ARSI: variants seen among roughly 807,000 people sequenced by gnomAD.
ARSI encodes arylsulfatase I.
A neutral mutation model predicts 42.1 loss-of-function variants in ARSI; 37 were observed. That is an observed-to-expected ratio of 0.88 (90% CI 0.68 to 1.16). ARSI has a LOEUF of 1.16. ARSI is among the 50% of genes most tolerant of loss of function. ARSI has a pLI of 0.00. For missense variants in ARSI, 725 were observed against 790.1 expected (o/e 0.92, Z 0.99); for synonymous variants, 305 against 320.3 (o/e 0.95, Z 0.51).
In ARSI at chr5:150,297,123, T is replaced by C; in HGVS notation, c.*91A>G. The C allele has an allele frequency of 7.3e-7, 1 of 1,378,334 alleles. No individual in the cohort carries two copies. The highest frequency in any genetic ancestry group is 9.9e-7 in the Non-Finnish European group (1 of 1,008,898). The allele number at this position is 1,378,334 out of a possible 1,614,324, so 85.4% of individuals were successfully genotyped here. On this transcript the variant is annotated 3_prime_UTR_variant, in exon 2 of 2. Transcript: ENST00000328668. The surrounding 1 kb of genome is among the most constrained non-coding windows in gnomAD (Gnocchi z 7.0). ...TCTACACCCTCCAACTCCCTGTAGATGGAGATGTGACAGGCTTCTCCCTGA... is the reference window on the plus strand; with the variant it reads ...TCTACACCCTCCAACTCCCTGTAGACGGAGATGTGACAGGCTTCTCCCTGA...
chr5:150,302,784 T>C lies in ARSI; in HGVS notation c.-411A>G, dbSNP rs1456849107. The C allele has an allele frequency of 6.4e-6, 1 of 156,356 alleles. No homozygotes were observed. The highest frequency in any genetic ancestry group is 2.4e-5 in the African/African-American group (1 of 41,590). 9.7% of individuals were successfully genotyped at this position (156,356 alleles called of 1,614,324 possible). A position where few individuals can be genotyped will look rare whatever the true frequency, so the allele number is the denominator to read the frequency against. Reference sequence around the variant, plus strand: ...CTCTCTCCTCTGCTTTCCCGGCCTCTCGCCCCACCCGGAGTCCTTAAAACA... The same window carrying C: ...CTCTCTCCTCTGCTTTCCCGGCCTCCCGCCCCACCCGGAGTCCTTAAAACA... On this transcript the variant is annotated 5_prime_UTR_variant, in exon 1 of 2. Transcript: ENST00000328668. The surrounding 1 kb of genome is among the most constrained non-coding windows in gnomAD (Gnocchi z 6.1).
chr5:150,302,579 A>T lies in ARSI; in HGVS notation c.-206T>A. Reference sequence around the variant, plus strand: ...CGCAGCGGGGCGCTCTGGGGAGGTCAGGCCCGCGCCGAGCTGCCTCCCGCT... The same window carrying T: ...CGCAGCGGGGCGCTCTGGGGAGGTCTGGCCCGCGCCGAGCTGCCTCCCGCT... On this transcript the variant is annotated 5_prime_UTR_variant, in exon 1 of 2. Coordinates refer to ENST00000328668, the MANE Select transcript of ARSI (RefSeq NM_001012301.4). The surrounding 1 kb of genome is among the most constrained non-coding windows in gnomAD (Gnocchi z 6.1). 2.5e-6 allele frequency: 1 copy of T among 400,116 alleles called. No individual in the cohort carries two copies. Among genetic ancestry groups the T allele is most frequent in the Non-Finnish European group, 4.3e-6 (1 of 231,790 alleles). 24.8% of individuals were successfully genotyped at this position (400,116 alleles called of 1,614,324 possible).
At position 150,297,354 on chromosome 5, in the gene ARSI, C is replaced by T. The variant is rs771103054; in HGVS notation, c.1570G>A (p.Ala524Thr). The T allele has an allele frequency of 5.6e-6, 9 of 1,613,220 alleles. No individual in the cohort carries two copies. The highest frequency in any genetic ancestry group is 2.2e-5 in the East Asian group (1 of 44,888). Residue 524 changes from alanine to threonine, a missense_variant, in exon 2 of 2, where the codon GCC (alanine) becomes ACC (threonine). Transcript: ENST00000328668. The surrounding 1 kb of genome is among the most constrained non-coding windows in gnomAD (Gnocchi z 7.0). ...DFNGGAWGPW[A>T]SDEEEEEEEG... ...TCTTCCTCCTCTTCCTCATCACTGGCCCAGGGCCCCCAAGCACCCCCATTA... is the reference window on the plus strand; with the variant it reads ...TCTTCCTCCTCTTCCTCATCACTGGTCCAGGGCCCCCAAGCACCCCCATTA...
chr5:150,301,223 G>A (rs542205096), intron 1 of ARSI, among the ~76,000 whole-genome samples: 29 of 152,256 alleles, frequency 1.9e-4, no homozygotes, highest in African/African-American at 7.0e-4. Flanking sequence ...TGGAACTTGG[G>A]AGAAAGCATG....
At chr5:150,301,514 C>G (rs1217217252) in intron 1 of ARSI, among the ~76,000 whole-genome samples, 1 of 152,172 alleles carries the variant, frequency 6.6e-6, no homozygotes, top group Admixed American at 6.5e-5. Context: ...ATGTGTCTTT[C>G]TCTTCCACCT....
chr5:150,298,148 G>A lies in ARSI; in HGVS notation c.776C>T (p.Ala259Val), dbSNP rs776440347. 85 of 1,613,890 alleles carry A rather than the reference G, an allele frequency of 5.3e-5. No homozygotes were observed. Among genetic ancestry groups the A allele is most frequent in the Non-Finnish European group, 6.7e-5 (79 of 1,180,044 alleles). ...CACCATGGCCGCGTACTTCCGCCGG[G>A]CCACATTGCCCATGGTGCGGTAGCG... ...LYRYRTMGNV[A>V]RRKYAAMVTC... Residue 259 changes from alanine (A) to valine (V), a missense_variant, in exon 2 of 2, where the codon GCC becomes GTC. Ala to Val is a moderately conservative substitution (Grantham distance 64, BLOSUM62 0). Transcript: ENST00000328668.
In ARSI at chr5:150,298,628, G is replaced by T. The variant is rs752825291; in HGVS notation, c.312-16C>A. ...GATCTGGTACCTGGTGGGGAGGAGG[G>T]GAAGGCACAGAAGGCACAGGTAAGC... On this transcript the variant is annotated splice_polypyrimidine_tract_variant and intron_variant, in intron 1 of 1. Transcript: ENST00000328668. The T allele has an allele frequency of 1.3e-6, 2 of 1,586,918 alleles. No individual in the cohort carries two copies. The highest frequency in any genetic ancestry group is 1.7e-6 in the Non-Finnish European group (2 of 1,165,110).
At chr5:150,299,876 T>G (rs1757891587) in intron 1 of ARSI, among the ~76,000 whole-genome samples, 1 of 152,054 alleles carries the variant, frequency 6.6e-6, no homozygotes, top group Non-Finnish European at 1.5e-5. Context: ...GAGGCAGGAG[T>G]AAATGGTTAG....
rs10463232 is a variant in ARSI at position 150,301,246 on chromosome 5, T to A, written c.311+817A>T. Among the ~76,000 whole-genome samples the A allele has an allele frequency of 2.2e-3, 330 of 152,288 alleles. 8 individuals carry two copies. The East Asian group carries it at 0.032, about 15-fold the overall frequency. On this transcript the variant is annotated intron_variant, in intron 1 of 1. Coordinates refer to ENST00000328668, the MANE Select transcript of ARSI (RefSeq NM_001012301.4). ...GGGAGAAAGCATGCCTTGGACCCCATCCAAGGAGAATTAGCTTCAGCACTG... is the reference window on the plus strand; with the variant it reads ...GGGAGAAAGCATGCCTTGGACCCCAACCAAGGAGAATTAGCTTCAGCACTG...
intron 1 of ARSI, among the ~76,000 whole-genome samples, chr5:150,299,304 T>C (rs1401440819): frequency 2.6e-5 from 4 of 152,230 alleles, no homozygotes; most frequent in Non-Finnish European, 5.9e-5. Context: ...TCCCAAAGAA[T>C]TAGTCACTTT....
Position 150,298,274 on chromosome 5 carries a change from C to T in ARSI, c.650G>A (p.Ser217Asn), listed in dbSNP as rs1367757155. ...YSTMLYAQRASHILASHSPQR... is the reference protein window; with the variant it reads ...YSTMLYAQRANHILASHSPQR... ...AGGGCTGTGGCTGGCCAGGATATGGCTGGCGCGCTGGGCATAAAGCATAGT... is the reference window on the plus strand; with the variant it reads ...AGGGCTGTGGCTGGCCAGGATATGGTTGGCGCGCTGGGCATAAAGCATAGT... Residue 217 changes from serine to asparagine, a missense_variant, in exon 2 of 2, where the codon AGC (serine) becomes AAC (asparagine). Coordinates refer to ENST00000328668, the MANE Select transcript of ARSI (RefSeq NM_001012301.4). 4.3e-6 allele frequency: 7 copies of T among 1,613,520 alleles called. No homozygotes were observed. Among genetic ancestry groups the T allele is most frequent in the Non-Finnish European group, 5.9e-6 (7 of 1,179,756 alleles).
rs1463489602 is a variant in ARSI at position 150,296,999 on chromosome 5, G to A, written c.*215C>T. On this transcript the variant is annotated 3_prime_UTR_variant, in exon 2 of 2. Transcript: ENST00000328668. ...CATGTGGGTCACCTGAGGTCACAGA[G>A]CAAGTCCGTGAGGAGGCAGGACTGA... 1.4e-5 allele frequency: 7 copies of A among 482,806 alleles called. No individual in the cohort carries two copies. 29.9% of individuals were successfully genotyped at this position (482,806 alleles called of 1,614,324 possible). A position where few individuals can be genotyped will look rare whatever the true frequency, so the allele number is the denominator to read the frequency against.
At position 150,298,136 on chromosome 5, in the gene ARSI, T is replaced by A; in HGVS notation, c.788A>T (p.Tyr263Phe). The part of the protein sequence containing the change: ...RTMGNVARRK[Y>F]AAMVTCMDEA... ...ATCCATGCAGGTCACCATGGCCGCG[T>A]ACTTCCGCCGGGCCACATTGCCCAT... Residue 263 changes from tyrosine (Y) to phenylalanine (F), a missense_variant, in exon 2 of 2, where the codon TAC (tyrosine) becomes TTC (phenylalanine). Coordinates refer to ENST00000328668, the MANE Select transcript of ARSI (RefSeq NM_001012301.4). 6.2e-7 allele frequency: 1 copy of A among 1,613,906 alleles called. No individual in the cohort carries two copies. Among genetic ancestry groups the A allele is most frequent in the Non-Finnish European group, 8.5e-7 (1 of 1,180,020 alleles).
chr5:150,298,401 C>T lies in ARSI; in HGVS notation c.523G>A (p.Val175Met), dbSNP rs1159185003. 1 of 1,614,238 alleles carries T rather than the reference C, an allele frequency of 6.2e-7. No homozygotes were observed. The highest frequency in any genetic ancestry group is 1.3e-5 in the African/African-American group (1 of 75,056). Residue 175 changes from valine (V) to methionine (M), a missense_variant, in exon 2 of 2, where the codon GTG becomes ATG. Transcript: ENST00000328668. ...DTFLGSLTGNVDYYTYDNCDG... is the reference protein window; with the variant it reads ...DTFLGSLTGNMDYYTYDNCDG... ...CAGTTGTCATAGGTGTAATAGTCCACATTGCCCGTGAGCGAGCCCAGGAAG... is the reference window on the plus strand; with the variant it reads ...CAGTTGTCATAGGTGTAATAGTCCATATTGCCCGTGAGCGAGCCCAGGAAG...
At chr5:150,301,219 T>G (rs774323447) in intron 1 of ARSI, among the ~76,000 whole-genome samples, 36 of 152,188 alleles carry the variant, frequency 2.4e-4, no homozygotes, top group Non-Finnish European at 4.9e-4. Flanking sequence ...TGGGTGGAAC[T>G]TGGGAGAAAG....
chr5:150,301,918 A>C, intron 1 of ARSI, 145 bp downstream of exon 1: 1 of 834,220 alleles, frequency 1.2e-6, no homozygotes, highest in Non-Finnish European at 1.8e-6. Context: ...TGAGGCCTAG[A>C]GAGGGCGAGG....
In ARSI at chr5:150,297,676, C is replaced by A. The variant is rs749225262; in HGVS notation, c.1248G>T (p.Gln416His). ...TCCACTCACCCACGCGGATGGCAGC[C>A]TGCACGGCGGTGTTCCAGATGCCAA... is the stretch of plus-strand genomic sequence containing the variant. Reference protein sequence around the residue: ...GGFGIWNTAVQAAIRVGEWKL... With the variant: ...GGFGIWNTAVHAAIRVGEWKL... The change falls in exon 2 of 2, where the codon CAG (glutamine) becomes CAT (histidine). Residue 416 changes from glutamine to histidine, a missense_variant. By Grantham distance (24) the Gln-to-His change is conservative. Coordinates refer to ENST00000328668, the MANE Select transcript of ARSI (RefSeq NM_001012301.4). This position sits in a 1 kb window ranked among gnomAD's most constrained non-coding sequence, Gnocchi z 7.0. 2.5e-6 allele frequency: 4 copies of A among 1,613,350 alleles called. No homozygotes were observed. The South Asian group carries it at 4.4e-5, about 18-fold the overall frequency.
In ARSI at chr5:150,302,004, A is replaced by G. The variant is rs1757926493; in HGVS notation, c.311+59T>C. On this transcript the variant is annotated intron_variant, in intron 1 of 1. Coordinates refer to ENST00000328668, the MANE Select transcript of ARSI (RefSeq NM_001012301.4). This position sits in a 1 kb window ranked among gnomAD's most constrained non-coding sequence, Gnocchi z 6.1. ...GGGGTGGTACTGGCAGGAGAAATCTATCAACTGGGTTGATTTGGGGTTTAG... is the reference window on the plus strand; with the variant it reads ...GGGGTGGTACTGGCAGGAGAAATCTGTCAACTGGGTTGATTTGGGGTTTAG... 3 of 1,484,984 alleles carry G rather than the reference A, an allele frequency of 2.0e-6. No homozygotes were observed. Among genetic ancestry groups the G allele is most frequent in the East Asian group, 4.9e-5 (2 of 40,442 alleles). The allele number at this position is 1,484,984 out of a possible 1,614,324, so 92.0% of individuals were successfully genotyped here. A position where few individuals can be genotyped will look rare whatever the true frequency, so the allele number is the denominator to read the frequency against.
At chr5:150,299,833 C>T (rs1757890501) in intron 1 of ARSI, among the ~76,000 whole-genome samples, 1 of 152,094 alleles carries the variant, frequency 6.6e-6, no homozygotes, top group Non-Finnish European at 1.5e-5. Flanking sequence ...TGCCTGTGAG[C>T]TCATATGACC....
Sources: allele counts gnomAD v4.1 joint callset (sites outside exome capture counted in the v4.1 genomes callset), GRCh38; gene constraint gnomAD v4.1.1; non-coding constraint Gnocchi (gnomAD v3.1); transcripts MANE v1.5; gene names NCBI Gene and HGNC (gene_info 2026-07-23, HGNC 2026-07-21).